PLEKHG1: variants seen among roughly 807,000 people sequenced by gnomAD.
The protein encoded by PLEKHG1 is pleckstrin homology domain-containing family G member 1.
PLEKHG1 carries 44 observed loss-of-function variants against 100.8 expected under a neutral mutation model. That is an observed-to-expected ratio of 0.44 (90% CI 0.34 to 0.56). PLEKHG1 has a LOEUF of 0.56. Ranked by LOEUF, PLEKHG1 falls within the 20% of genes least tolerant of loss-of-function variation. PLEKHG1 has a pLI of 0.01. For synonymous variants in PLEKHG1, 640 were observed against 662.5 expected (o/e 0.97, Z 0.52); for missense variants, 1,545 against 1,720.9 (o/e 0.90, Z 1.81).
At chr6:150,732,652 C>G (rs932405218) in intron 1 of PLEKHG1, among the ~76,000 whole-genome samples, 1 of 152,250 alleles carries the variant, frequency 6.6e-6, no homozygotes, top group Non-Finnish European at 1.5e-5. Flanking sequence ...AAGTCTTGCT[C>G]TGTCGCCCAG....
Position 150,831,825 on chromosome 6 carries a change from G to C in PLEKHG1, c.2714G>C (p.Ser905Thr), listed in dbSNP as rs1419747167. Residue 905 changes from serine to threonine, a missense_variant, in exon 15 of 16, where the codon AGC becomes ACC. Physicochemically the swap from Ser to Thr is moderately conservative, Grantham distance 58. Transcript: ENST00000358517. This position sits in a 1 kb window ranked among gnomAD's most constrained non-coding sequence, Gnocchi z 4.1. ...CAGGCTCTCCTCACGCCCGTGAAGA[G>C]CAGGGCTGGCAGAGCCAGCCGCGCC... 6.2e-7 allele frequency: 1 copy of C among 1,611,946 alleles called. No homozygotes were observed. Among genetic ancestry groups the C allele is most frequent in the African/African-American group, 1.3e-5 (1 of 74,926 alleles).
At chr6:150,678,085 TATA>T (rs1779822090) in intron 3 of PLEKHG1, among the ~76,000 whole-genome samples, 1 of 141,260 alleles carries the variant, frequency 7.1e-6, no homozygotes. Flanking sequence ...TATATATATA[TATA>T]TATATATATA....
intron 2 of PLEKHG1, among the ~76,000 whole-genome samples, chr6:150,756,773 A>G (rs1210907363): frequency 2.0e-5 from 3 of 152,164 alleles, no homozygotes; most frequent in Non-Finnish European, 4.4e-5. Context: ...TAGCACAAAT[A>G]AGTCAAGGCT....
intron 2 of PLEKHG1, among the ~76,000 whole-genome samples, chr6:150,644,879 A>G (rs1778427048): frequency 6.6e-6 from 1 of 152,158 alleles, no homozygotes. Flanking sequence ...GTGGAGAGGT[A>G]ACATGTTCAT....
At chr6:150,827,934 T>A in intron 14 of PLEKHG1, 1 of 1,605,292 alleles carries the variant, frequency 6.2e-7, no homozygotes. Context: ...GAAGAATAAA[T>A]CTGGAAAAGT....
At chr6:150,731,223 T>G (rs569047016) in intron 1 of PLEKHG1, among the ~76,000 whole-genome samples, 2 of 152,300 alleles carry the variant, frequency 1.3e-5, no homozygotes, top group South Asian at 4.1e-4. Context: ...CTAGGTCAAG[T>G]GCATCTTAAC....
chr6:150,643,026 A>G (rs1582869795), intron 2 of PLEKHG1, among the ~76,000 whole-genome samples: 1 of 152,266 alleles, frequency 6.6e-6, no homozygotes, highest in African/African-American at 2.4e-5. Flanking sequence ...CGGAATCCCC[A>G]GTTCTTTGGC....
intron 1 of PLEKHG1, among the ~76,000 whole-genome samples, chr6:150,607,214 G>A (rs1376136991): frequency 2.0e-5 from 3 of 152,128 alleles, no homozygotes; most frequent in East Asian, 1.9e-4. Flanking sequence ...ATTTAAGGCC[G>A]TCTCTGACCT....
rs1343374603 is a variant in PLEKHG1 at position 150,683,147 on chromosome 6, A to G, written c.-99+32361A>G. Among the ~76,000 whole-genome samples, 3 of 152,250 alleles carry G rather than the reference A, an allele frequency of 2.0e-5. No homozygotes were observed. The highest frequency in any genetic ancestry group is 2.1e-4 in the South Asian group (1 of 4,834). On this transcript the variant is annotated intron_variant, in intron 3 of 3. Transcript: ENST00000367326. The surrounding 1 kb of genome is among the most constrained non-coding windows in gnomAD (Gnocchi z 4.0). Reference sequence around the variant, plus strand: ...GCCCTAAGAGACTCCAGAGAGACACATGGCCCGAGTCAACCTTATCCTCTG... The same window carrying G: ...GCCCTAAGAGACTCCAGAGAGACACGTGGCCCGAGTCAACCTTATCCTCTG...
intron 15 of PLEKHG1, among the ~76,000 whole-genome samples, chr6:150,838,963 A>G (rs1400868755): frequency 2.6e-5 from 4 of 152,216 alleles, no homozygotes; most frequent in Admixed American, 2.0e-4. Context: ...TTGGTTCCCC[A>G]GACAATGGCA....
chr6:150,650,906 G>A (rs190831329), intron 3 of PLEKHG1, 120 bp downstream of exon 2: 20 of 152,156 alleles, frequency 1.3e-4, no homozygotes, highest in East Asian at 3.9e-4. Context: ...CACATTTTTC[G>A]ATTTTCAAGT....
intron 3 of PLEKHG1, among the ~76,000 whole-genome samples, chr6:150,696,332 C>T (rs1020772421): frequency 2.6e-5 from 4 of 152,196 alleles, no homozygotes; most frequent in African/African-American, 9.7e-5. Flanking sequence ...CCCCCTCTCC[C>T]TGAAGCCCAA....
chr6:150,774,860 A>G (rs550345822), intron 3 of PLEKHG1, among the ~76,000 whole-genome samples: 49 of 152,134 alleles, frequency 3.2e-4, no homozygotes, highest in African/African-American at 1.1e-3. Context: ...AAGAATTTTT[A>G]AAAATTCTTT....
chr6:150,727,364 A>G (rs962043075), intron 1 of PLEKHG1, among the ~76,000 whole-genome samples: 3 of 152,220 alleles, frequency 2.0e-5, no homozygotes, highest in Non-Finnish European at 2.9e-5. Context: ...AACGTTCTGC[A>G]TGAAACCTAA....
At chr6:150,620,083 C>T (rs1251654431) in intron 1 of PLEKHG1, among the ~76,000 whole-genome samples, 1 of 152,190 alleles carries the variant, frequency 6.6e-6, no homozygotes, top group Non-Finnish European at 1.5e-5. Flanking sequence ...AATCATTACA[C>T]ATTTCATATT....
At chr6:150,756,212 G>A (rs1355848281) in intron 2 of PLEKHG1, among the ~76,000 whole-genome samples, 1 of 152,124 alleles carries the variant, frequency 6.6e-6, no homozygotes, top group East Asian at 1.9e-4. Context: ...AGTTTCTGGG[G>A]AACATCCCAT....
chr6:150,621,636 A>G (rs1777305820), intron 1 of PLEKHG1, among the ~76,000 whole-genome samples: 1 of 152,166 alleles, frequency 6.6e-6, no homozygotes, highest in South Asian at 2.1e-4. Flanking sequence ...TAGCCTCCCA[A>G]AGTGCTAGGA....
intron 1 of PLEKHG1, among the ~76,000 whole-genome samples, chr6:150,731,409 T>A (rs1278392749): frequency 6.6e-6 from 1 of 152,226 alleles, no homozygotes; most frequent in Non-Finnish European, 1.5e-5. Context: ...ATTAGTTCCT[T>A]CATTTTATTT....
intron 1 of PLEKHG1, among the ~76,000 whole-genome samples, chr6:150,617,349 T>G (rs1454223764): frequency 6.6e-6 from 1 of 152,240 alleles, no homozygotes; most frequent in Non-Finnish European, 1.5e-5. Flanking sequence ...TATCCTCCAG[T>G]TGAGTCAACG....
Sources: gnomAD v4.1 joint callset for allele counts (sites outside exome capture counted in the v4.1 genomes callset) on GRCh38, gnomAD v4.1.1 for gene constraint, Gnocchi (gnomAD v3.1) non-coding constraint, MANE v1.5 for transcripts, NCBI Gene and HGNC (gene_info 2026-07-23, HGNC 2026-07-21) for gene names.